RBFOX1: variants seen among roughly 807,000 people sequenced by gnomAD.
The protein encoded by RBFOX1 is RNA binding protein fox-1 homolog 1.
A neutral mutation model predicts 57.7 loss-of-function variants in RBFOX1; 8 were observed. The observed-to-expected ratio is 0.14, with a 90% CI of 0.08 to 0.25. RBFOX1 has a LOEUF of 0.25. Among genes scored for constraint, RBFOX1 ranks in the 10% least tolerant of loss-of-function variants. RBFOX1 has a pLI of 1.00. For synonymous variants in RBFOX1, 326 were observed against 222.4 expected, an observed-to-expected ratio of 1.47 and a Z score of -4.15; for missense variants, 611 against 548.5, an observed-to-expected ratio of 1.11 and a Z score of -1.14.
chr16:6,179,205 G>A (rs2152784226), intron 1 of RBFOX1, among the ~76,000 whole-genome samples: 1 of 152,244 alleles, frequency 6.6e-6, no homozygotes, highest in East Asian at 1.9e-4. Flanking sequence ...GACGACAGTG[G>A]GGCTGTCTTC....
intron 1 of RBFOX1, among the ~76,000 whole-genome samples, chr16:5,319,150 CAAAA>C (rs557512374): frequency 1.3e-3 from 198 of 149,866 alleles, no homozygotes; most frequent in Non-Finnish European, 2.1e-3. Context: ...AACAAACAAA[CAAAA>C]AAACATAAAA....
chr16:5,969,193 T>C (rs1009001452), intron 4 of RBFOX1, among the ~76,000 whole-genome samples: 2 of 152,086 alleles, frequency 1.3e-5, no homozygotes, highest in Non-Finnish European at 2.9e-5. Flanking sequence ...TTTTTGACAA[T>C]GCCTCTCTGG....
chr16:7,143,061 T>C (rs1381478532), intron 4 of RBFOX1, among the ~76,000 whole-genome samples: 1 of 152,146 alleles, frequency 6.6e-6, no homozygotes, highest in East Asian at 1.9e-4. Context: ...ATGTGTGCAG[T>C]GTCCTTCATA....
At chr16:5,751,245 T>G (rs1002608207) in intron 3 of RBFOX1, among the ~76,000 whole-genome samples, 1 of 152,210 alleles carries the variant, frequency 6.6e-6, no homozygotes, top group Admixed American at 6.5e-5. Context: ...ACTAGGTGAT[T>G]ATGAAGTTTC....
chr16:6,427,899 G>C (rs920996632), intron 2 of RBFOX1, among the ~76,000 whole-genome samples: 4 of 152,096 alleles, frequency 2.6e-5, no homozygotes, highest in African/African-American at 7.2e-5. Context: ...CTGGTCCTCA[G>C]TTTTCTCATC....
intron 4 of RBFOX1, among the ~76,000 whole-genome samples, chr16:7,374,901 G>T (rs2097655685): frequency 6.6e-6 from 1 of 152,114 alleles, no homozygotes; most frequent in Admixed American, 6.6e-5. Flanking sequence ...TCCATGACCT[G>T]CCAGCACTAG....
At chr16:5,885,779 G>T (rs1567669974) in intron 4 of RBFOX1, among the ~76,000 whole-genome samples, 1 of 152,232 alleles carries the variant, frequency 6.6e-6, no homozygotes, top group South Asian at 2.1e-4. Flanking sequence ...AACCTTCACT[G>T]GGCATCTGCA....
At chr16:7,474,593 G>A (rs549970342) in intron 4 of RBFOX1, among the ~76,000 whole-genome samples, 2 of 152,162 alleles carry the variant, frequency 1.3e-5, no homozygotes, top group South Asian at 2.1e-4. Flanking sequence ...TGGCAGGACC[G>A]CAATTACTTT....
At chr16:7,164,880 A>G (rs2079100846) in intron 4 of RBFOX1, among the ~76,000 whole-genome samples, 2 of 152,174 alleles carry the variant, frequency 1.3e-5, no homozygotes, top group Admixed American at 1.3e-4. Context: ...TAAATTTTAA[A>G]TGGATAAGAG....
chr16:7,643,659 G>A (rs2063224378), intron 11 of RBFOX1, among the ~76,000 whole-genome samples: 1 of 152,042 alleles, frequency 6.6e-6, no homozygotes. Context: ...AATATTTTTG[G>A]GTTGAACACA....
intron 3 of RBFOX1, among the ~76,000 whole-genome samples, chr16:7,047,280 C>T (rs180855131): frequency 1.1e-4 from 17 of 152,006 alleles, no homozygotes; most frequent in African/African-American, 3.4e-4. Context: ...CATATTTCAC[C>T]TTCATTTCTA....
intron 4 of RBFOX1, among the ~76,000 whole-genome samples, chr16:5,871,058 TG>T (rs1477166634): frequency 2.8e-4 from 42 of 152,254 alleles, no homozygotes; most frequent in Non-Finnish European, 1.0e-4. Flanking sequence ...TTGCTAAATC[TG>T]GACTTTGAAA....
intron 1 of RBFOX1, among the ~76,000 whole-genome samples, chr16:6,057,774 G>A (rs753561002): frequency 6.8e-6 from 1 of 147,592 alleles, no homozygotes; most frequent in Admixed American, 6.8e-5. Context: ...TTCTCATTTT[G>A]CCAAGCCCCC....
chr16:7,704,717 A>G lies in RBFOX1; in HGVS notation c.996-4339A>G, dbSNP rs557039533. 4.8e-4 allele frequency among the ~76,000 whole-genome samples: 73 copies of G among 152,290 alleles called. 1 individual carries two copies. The South Asian group carries it at 0.013, about 27-fold the overall frequency. ...AAGATTATTAGAGTTGCTATACAAC[A>G]TGAAGGGGTAGGGATGAAGTTGGAA... On this transcript the variant is annotated intron_variant, in intron 14 of 15. Transcript: ENST00000550418.
chr16:6,196,567 C>T (rs1055127106), intron 1 of RBFOX1, among the ~76,000 whole-genome samples: 1 of 152,042 alleles, frequency 6.6e-6, no homozygotes, highest in Non-Finnish European at 1.5e-5. Flanking sequence ...AATCCACCCC[C>T]CAAATGTGAA....
At position 6,889,748 on chromosome 16, in the gene RBFOX1, C is replaced by G. The variant is rs145939327; in HGVS notation, c.-15-162309C>G. On this transcript the variant is annotated intron_variant, in intron 3 of 15. Transcript: ENST00000550418. ...TGGTTTGTGTAATCTTGGAATAGAC[C>G]CTTCAGTGGTAAAAACCAGCATTTT... 5.2e-3 allele frequency among the ~76,000 whole-genome samples: 784 copies of G among 152,118 alleles called. 15 individuals are homozygous for G. Among genetic ancestry groups the G allele is most frequent in the African/African-American group, 0.018 (751 of 41,502 alleles).
chr16:5,466,408 A>G (rs1324012385), intron 1 of RBFOX1, among the ~76,000 whole-genome samples: 2 of 151,936 alleles, frequency 1.3e-5, no homozygotes, highest in African/African-American at 4.8e-5. Flanking sequence ...TTGGGTCCTG[A>G]CCCAACGGAG....
chr16:5,787,261 G>T (rs2054535755), intron 3 of RBFOX1, among the ~76,000 whole-genome samples: 1 of 152,192 alleles, frequency 6.6e-6, no homozygotes, highest in South Asian at 2.1e-4. Context: ...ACACTGTTTA[G>T]GATTGTGCTG....
intron 2 of RBFOX1, among the ~76,000 whole-genome samples, chr16:5,471,604 G>C (rs1215745831): frequency 6.6e-6 from 1 of 152,082 alleles, no homozygotes. Flanking sequence ...CAGGCACCAG[G>C]GCAGTTACAT....
Sources: gnomAD v4.1 joint callset for allele counts (sites outside exome capture counted in the v4.1 genomes callset) on GRCh38, gnomAD v4.1.1 for gene constraint, MANE v1.5 for transcripts, NCBI Gene and HGNC (gene_info 2026-07-23, HGNC 2026-07-21) for gene names.